Variants in POC1A observed in about 807,000 individuals in gnomAD.
The protein encoded by POC1A is POC1 centriolar protein A.
A neutral mutation model predicts 47.8 loss-of-function variants in POC1A; 34 were observed. The observed-to-expected ratio is 0.71, with a 90% CI of 0.54 to 0.95. The LOEUF (loss-of-function observed/expected upper bound fraction) is 0.95, where lower values mean the gene tolerates loss of function less well. POC1A is among the 40% of genes least tolerant of loss of function. The probability of loss-of-function intolerance (pLI) is 0.00; values close to 1 mark genes in which losing one functional copy is unlikely to be tolerated. For missense variants in POC1A, 466 were observed against 528.3 expected (o/e 0.88, Z 1.16); for synonymous variants, 177 against 207.6 (o/e 0.85, Z 1.27).
In POC1A at chr3:52,138,178, G is replaced by T; in HGVS notation, c.804C>A (p.His268Gln). The stretch of plus-strand genomic sequence containing the variant: ...GGCCGACACCTCTCACCTGATGCCC[G>T]TGGAGTGTGTAGAGCAGCCGGCCCT... ...LMEGRLLYTL[H>Q]GHQGPATTVA... The change falls in exon 7 of 11, where the codon CAC (histidine) becomes CAA (glutamine). Residue 268 changes from histidine (H) to glutamine (Q), a missense_variant. His to Gln is a conservative substitution (Grantham distance 24, BLOSUM62 0). Coordinates refer to ENST00000296484, the MANE Select transcript of POC1A (RefSeq NM_015426.5). The T allele has an allele frequency of 6.2e-7, 1 of 1,614,182 alleles. No homozygotes were observed. The highest frequency in any genetic ancestry group is 8.5e-7 in the Non-Finnish European group (1 of 1,180,014).
At chr3:52,133,542 C>G (rs1330197377) in intron 7 of POC1A, among the ~76,000 whole-genome samples, 1 of 152,150 alleles carries the variant, frequency 6.6e-6, no homozygotes, top group South Asian at 2.1e-4. Flanking sequence ...CTGCCCTCAA[C>G]ACCAGCACAC....
At chr3:52,136,080 T>G (rs978142181) in intron 7 of POC1A, among the ~76,000 whole-genome samples, 1 of 151,844 alleles carries the variant, frequency 6.6e-6, no homozygotes, top group African/African-American at 2.4e-5. Context: ...CTGAATCAGT[T>G]TGCAGAACCC....
At chr3:52,150,819 C>T (rs570461346) in intron 2 of POC1A, among the ~76,000 whole-genome samples, 197 bp downstream of exon 2, 52 of 152,274 alleles carry the variant, frequency 3.4e-4, no homozygotes, top group Admixed American at 4.6e-4. Context: ...ACCTCTCTGA[C>T]CCTCAGGCTC....
At chr3:52,136,384 C>T (rs1477593564) in intron 7 of POC1A, among the ~76,000 whole-genome samples, 1 of 152,166 alleles carries the variant, frequency 6.6e-6, no homozygotes, top group East Asian at 1.9e-4. Flanking sequence ...GCCAGCCTAA[C>T]TCGTCTCATG....
chr3:52,146,974 A>G lies in POC1A; in HGVS notation c.563+14T>C, dbSNP rs1698385299. Reference sequence around the variant, plus strand: ...TGAGCGCCTACAGGTGGAGGACAGCATCTGGGGACTCACCCGCCATGCTCA... The same window carrying G: ...TGAGCGCCTACAGGTGGAGGACAGCGTCTGGGGACTCACCCGCCATGCTCA... On this transcript the variant is annotated intron_variant, in intron 5 of 10. Transcript: ENST00000296484. 1.2e-6 allele frequency: 2 copies of G among 1,605,478 alleles called. No homozygotes were observed. The highest frequency in any genetic ancestry group is 1.7e-5 in the Admixed American group (1 of 59,998).
At chr3:52,096,865 G>A (rs1302691416) in intron 9 of POC1A, among the ~76,000 whole-genome samples, 153 bp from the exon 10 acceptor site, 1 of 152,270 alleles carries the variant, frequency 6.6e-6, no homozygotes, top group East Asian at 1.9e-4. Flanking sequence ...GCGTGGCGGT[G>A]TTCCCACATC....
intron 8 of POC1A, among the ~76,000 whole-genome samples, chr3:52,123,496 C>T (rs556368488): frequency 1.6e-4 from 25 of 152,166 alleles, no homozygotes; most frequent in South Asian, 4.1e-4. Context: ...TCTGTCAGGA[C>T]GCAGCTGTGA....
At chr3:52,123,284 A>AAGAGCTCC (rs1386796059) in intron 8 of POC1A, among the ~76,000 whole-genome samples, 1 of 152,024 alleles carries the variant, frequency 6.6e-6, no homozygotes, top group African/African-American at 2.4e-5. Flanking sequence ...TGAGGGAGGC[A>AAGAGCTCC]CCTGGCTGGG....
At chr3:52,096,787 A>G in intron 9 of POC1A, 75 bp from the exon 10 acceptor site, 1 of 1,308,768 alleles carries the variant, frequency 7.6e-7, no homozygotes, top group Non-Finnish European at 1.0e-6. Flanking sequence ...TAGCCCCTCC[A>G]AAGGATGAAA....
intron 9 of POC1A, among the ~76,000 whole-genome samples, chr3:52,097,525 T>G (rs549554593): frequency 6.6e-5 from 10 of 152,344 alleles, no homozygotes; most frequent in African/African-American, 2.2e-4. Flanking sequence ...GTGGGCGGGA[T>G]GCTGGAGCCA....
At chr3:52,115,599 C>T (rs1291915742) in intron 9 of POC1A, among the ~76,000 whole-genome samples, 1 of 152,070 alleles carries the variant, frequency 6.6e-6, no homozygotes, top group African/African-American at 2.4e-5. Flanking sequence ...GGAGGTGGGG[C>T]CTTTGGGAGG....
intron 6 of POC1A, among the ~76,000 whole-genome samples, chr3:52,139,062 C>T (rs1698091862): frequency 1.3e-5 from 2 of 152,152 alleles, no homozygotes; most frequent in Non-Finnish European, 2.9e-5. Context: ...AAACTCCTGA[C>T]CTCAGATGAT....
intron 4 of POC1A, 44 bp from the exon 5 acceptor site, chr3:52,147,139 A>T (rs777884515): frequency 1.2e-5 from 17 of 1,445,462 alleles, no homozygotes; most frequent in Non-Finnish European, 1.6e-5. Flanking sequence ...CTAACAGACG[A>T]CATGGGCACC....
chr3:52,088,074 A>C (rs569643753), intron 10 of POC1A, among the ~76,000 whole-genome samples: 1 of 152,338 alleles, frequency 6.6e-6, no homozygotes, highest in Non-Finnish European at 1.5e-5. Context: ...TAAAGTAGTT[A>C]GTTAACTACT....
At chr3:52,111,760 C>T (rs1703396272) in intron 9 of POC1A, among the ~76,000 whole-genome samples, 1 of 151,792 alleles carries the variant, frequency 6.6e-6, no homozygotes, top group Non-Finnish European at 1.5e-5. Flanking sequence ...GACAGAGACT[C>T]TCACCCATCT....
chr3:52,107,747 G>A (rs1195716488), intron 9 of POC1A, among the ~76,000 whole-genome samples: 2 of 152,208 alleles, frequency 1.3e-5, no homozygotes. Context: ...TTTTAGAATT[G>A]GAGAAAAGTT....
At chr3:52,127,192 G>A (rs1315424873) in intron 7 of POC1A, among the ~76,000 whole-genome samples, 1 of 152,154 alleles carries the variant, frequency 6.6e-6, no homozygotes, top group African/African-American at 2.4e-5. Context: ...ATCAGTGAGG[G>A]TGAAATCCCA....
At position 52,139,602 on chromosome 3, in the gene POC1A, C is replaced by T. The variant is rs555810601; in HGVS notation, c.680-1300G>A. 4.3e-4 allele frequency among the ~76,000 whole-genome samples: 66 copies of T among 152,274 alleles called. 1 individual carries two copies. In the South Asian group the frequency reaches 6.0e-3, roughly 14 times the overall value. On this transcript the variant is annotated intron_variant, in intron 6 of 10. Transcript: ENST00000296484. ...GGGCCACCCCCTTCATTTGTCCTTC[C>T]AAAGCAGCACAAGCCTCCCATCGGT...
intron 9 of POC1A, among the ~76,000 whole-genome samples, chr3:52,107,312 T>G (rs1002717876): frequency 1.3e-5 from 2 of 152,174 alleles, no homozygotes; most frequent in Non-Finnish European, 2.9e-5. Flanking sequence ...GGGGGAGGAC[T>G]GCATGGTGGA....
Sources: gnomAD v4.1 joint callset for allele counts (sites outside exome capture counted in the v4.1 genomes callset) on GRCh38, gnomAD v4.1.1 for gene constraint, MANE v1.5 for transcripts, NCBI Gene and HGNC (gene_info 2026-07-23, HGNC 2026-07-21) for gene names.